RAPGEF4: variants seen among roughly 807,000 people sequenced by gnomAD.
The protein encoded by RAPGEF4 is Rap guanine nucleotide exchange factor 4, also known as RAP guanine-nucleotide-exchange factor (GEF) 4.
A neutral mutation model predicts 147.9 loss-of-function variants in RAPGEF4; 66 were observed. The observed-to-expected ratio is 0.45, with a 90% CI of 0.37 to 0.55. RAPGEF4 has a LOEUF of 0.55. Among genes scored for constraint, RAPGEF4 ranks in the 20% least tolerant of loss-of-function variants. The pLI is 0.00. For synonymous variants in RAPGEF4, 419 were observed against 442.7 expected, an observed-to-expected ratio of 0.95 and a Z score of 0.67; for missense variants, 1,071 against 1,257.3, an observed-to-expected ratio of 0.85 and a Z score of 2.24.
intron 3 of RAPGEF4, among the ~76,000 whole-genome samples, chr2:172,811,459 T>G (rs1688011907): frequency 6.6e-6 from 1 of 152,274 alleles, no homozygotes; most frequent in Admixed American, 6.5e-5. Flanking sequence ...TCAGTCTCTG[T>G]GTTACTGTAA....
intron 4 of RAPGEF4, 146 bp from the exon 5 acceptor site, chr2:172,917,656 A>T: frequency 1.4e-6 from 1 of 709,726 alleles, no homozygotes; most frequent in South Asian, 1.7e-5. Context: ...CAGACCAGAG[A>T]CCCCGGAGAA....
At chr2:173,018,977 T>C (rs1695772270) in intron 22 of RAPGEF4, among the ~76,000 whole-genome samples, 175 bp downstream of exon 22, 2 of 152,226 alleles carry the variant, frequency 1.3e-5, no homozygotes, top group Non-Finnish European at 2.9e-5. Context: ...GGGTTTCTAA[T>C]GTCCCCTATC....
At chr2:172,889,926 G>A in intron 4 of RAPGEF4, 2 of 643,214 alleles carry the variant, frequency 3.1e-6, no homozygotes, top group South Asian at 6.9e-5. Context: ...ACCAGCGTCT[G>A]GGAATGTTTC....
intron 4 of RAPGEF4, among the ~76,000 whole-genome samples, chr2:172,831,285 T>TTTTTTTTTTTTTTG (rs1690303455): frequency 7.0e-6 from 1 of 142,218 alleles, no homozygotes; most frequent in Non-Finnish European, 1.5e-5. Context: ...TTTTTTTTTT[T>TTTTTTTTTTTTTTG]GAGACAGAGT....
chr2:172,842,160 G>C (rs1691685766), intron 4 of RAPGEF4, among the ~76,000 whole-genome samples: 1 of 152,132 alleles, frequency 6.6e-6, no homozygotes. Context: ...TTCTCTCAAG[G>C]AGATTTTGGT....
intron 22 of RAPGEF4, among the ~76,000 whole-genome samples, chr2:173,020,061 A>C (rs1695916120): frequency 6.6e-6 from 1 of 152,232 alleles, no homozygotes; most frequent in Non-Finnish European, 1.5e-5. Context: ...AATACAAAAT[A>C]AATGTTTATT....
At chr2:172,999,914 G>A (rs532521918) in intron 16 of RAPGEF4, among the ~76,000 whole-genome samples, 1 of 152,316 alleles carries the variant, frequency 6.6e-6, no homozygotes, top group African/African-American at 2.4e-5. Flanking sequence ...GGTTGGCCAT[G>A]TTAACTGACT....
chr2:172,893,453 G>A (rs1448562321), intron 4 of RAPGEF4, among the ~76,000 whole-genome samples: 6 of 152,168 alleles, frequency 3.9e-5, no homozygotes, highest in East Asian at 1.9e-4. Context: ...CCCATTCCCC[G>A]TAAAGTTTGC....
intron 10 of RAPGEF4, among the ~76,000 whole-genome samples, chr2:172,977,509 G>A (rs1288304727): frequency 6.6e-6 from 1 of 152,048 alleles, no homozygotes; most frequent in African/African-American, 2.4e-5. Context: ...GACACTAGAT[G>A]GCACAGCAGC....
At chr2:173,039,884 G>T (rs1684538274) in intron 29 of RAPGEF4, among the ~76,000 whole-genome samples, 2 of 152,118 alleles carry the variant, frequency 1.3e-5, no homozygotes, top group South Asian at 2.1e-4. Flanking sequence ...CCATAAGAAA[G>T]TTTGATTTTA....
At chr2:172,885,441 G>A (rs1477400281) in intron 4 of RAPGEF4, among the ~76,000 whole-genome samples, 1 of 152,164 alleles carries the variant, frequency 6.6e-6, no homozygotes, top group Non-Finnish European at 1.5e-5. Flanking sequence ...TGGTCGCCCT[G>A]TGTATTAGTC....
chr2:172,855,413 T>A (rs1693302996), intron 4 of RAPGEF4, among the ~76,000 whole-genome samples: 1 of 152,188 alleles, frequency 6.6e-6, no homozygotes, highest in South Asian at 2.1e-4. Flanking sequence ...GTGTTAGAAT[T>A]TTTATTTCAA....
chr2:172,875,759 GT>G (rs1205835540), intron 4 of RAPGEF4, among the ~76,000 whole-genome samples: 2 of 151,474 alleles, frequency 1.3e-5, no homozygotes, highest in African/African-American at 4.8e-5. Context: ...ATGAACTTTA[GT>G]TTTTTCCAAC....
intron 1 of RAPGEF4, among the ~76,000 whole-genome samples, chr2:172,770,164 T>C (rs1422594101): frequency 6.6e-6 from 1 of 152,212 alleles, no homozygotes; most frequent in Non-Finnish European, 1.5e-5. Flanking sequence ...TGGCTGGTCC[T>C]TCTCCTCTGG....
At chr2:172,826,460 A>G (rs1320552164) in intron 4 of RAPGEF4, among the ~76,000 whole-genome samples, 2 of 152,222 alleles carry the variant, frequency 1.3e-5, no homozygotes, top group African/African-American at 4.8e-5. Flanking sequence ...AGCTTTGTTT[A>G]AAGTTTATAG....
At chr2:172,823,359 C>T (rs1206714796) in intron 4 of RAPGEF4, among the ~76,000 whole-genome samples, 1 of 152,194 alleles carries the variant, frequency 6.6e-6, no homozygotes, top group Non-Finnish European at 1.5e-5. Flanking sequence ...ATGGTGAGAA[C>T]TCAGCCTGTC....
intron 1 of RAPGEF4, among the ~76,000 whole-genome samples, chr2:172,772,906 C>T (rs1025877044): frequency 1.8e-4 from 28 of 152,194 alleles, no homozygotes; most frequent in Admixed American, 1.2e-3. Context: ...ATCACAAGCA[C>T]GTGCTTTCTG....
intron 1 of RAPGEF4, among the ~76,000 whole-genome samples, chr2:172,781,510 T>C (rs552275220): frequency 6.6e-6 from 1 of 152,334 alleles, no homozygotes; most frequent in East Asian, 1.9e-4. Context: ...CCTCAAGCGA[T>C]CTTCCTGCCT....
chr2:172,998,130 A>G (rs1693549737), intron 16 of RAPGEF4, among the ~76,000 whole-genome samples: 1 of 152,166 alleles, frequency 6.6e-6, no homozygotes. Context: ...ACATAAAGGA[A>G]TGTGCACATA....
Sources: gnomAD v4.1 joint callset for allele counts (sites outside exome capture counted in the v4.1 genomes callset) on GRCh38, gnomAD v4.1.1 for gene constraint, MANE v1.5 for transcripts, NCBI Gene and HGNC (gene_info 2026-07-23, HGNC 2026-07-21) for gene names.